FER: variants seen among roughly 807,000 people sequenced by gnomAD.
FER encodes FER tyrosine kinase.
A neutral mutation model predicts 111.0 loss-of-function variants in FER; 63 were observed. The ratio of observed to expected loss-of-function variants is 0.57; its 90% CI spans 0.46 to 0.70. FER has a LOEUF of 0.70. Ranked by LOEUF, FER falls within the 30% of genes least tolerant of loss-of-function variation. The pLI is 0.00. For synonymous variants in FER, 327 were observed against 313.9 expected (o/e 1.04, Z -0.44); for missense variants, 914 against 954.0 (o/e 0.96, Z 0.55).
At chr5:108,967,061 C>T (rs1759949032) in intron 13 of FER, among the ~76,000 whole-genome samples, 1 of 152,170 alleles carries the variant, frequency 6.6e-6, no homozygotes, top group Admixed American at 6.5e-5. Flanking sequence ...GATGCCCCCA[C>T]CTAGGCCTCA....
chr5:108,767,811 G>A (rs942580765), intron 1 of FER, among the ~76,000 whole-genome samples: 1 of 152,158 alleles, frequency 6.6e-6, no homozygotes, highest in Non-Finnish European at 1.5e-5. Context: ...GTTTTATGAT[G>A]TAAACGTGGA....
intron 17 of FER, among the ~76,000 whole-genome samples, chr5:109,102,894 T>G (rs1748428855): frequency 1.3e-5 from 2 of 152,174 alleles, no homozygotes; most frequent in Non-Finnish European, 2.9e-5. Context: ...TGTAGAACCC[T>G]GTTCCTATGT....
intron 10 of FER, among the ~76,000 whole-genome samples, chr5:108,925,804 T>C (rs922379156): frequency 7.9e-5 from 12 of 152,092 alleles, no homozygotes; most frequent in African/African-American, 2.9e-4. Flanking sequence ...GTAAATATAA[T>C]GACCATTACT....
intron 3 of FER, among the ~76,000 whole-genome samples, chr5:108,821,805 A>C (rs950845443): frequency 6.6e-6 from 1 of 152,074 alleles, no homozygotes; most frequent in Non-Finnish European, 1.5e-5. Flanking sequence ...ACCACAATCA[A>C]GTTAATTAAC....
chr5:108,815,147 G>A (rs767610186), intron 3 of FER, among the ~76,000 whole-genome samples: 26 of 152,090 alleles, frequency 1.7e-4, no homozygotes, highest in Non-Finnish European at 3.4e-4. Flanking sequence ...AGGTTTCACA[G>A]TATTTGCAAT....
intron 2 of FER, among the ~76,000 whole-genome samples, chr5:108,780,381 GT>G (rs35241586): frequency 0.16 from 23,669 of 143,834 alleles, 2,080 homozygotes; most frequent in African/African-American, 0.23. Context: ...AGGTTAGTGG[GT>G]TTTTTTTTTT....
chr5:109,004,460 A>G (rs1343782450), intron 13 of FER, among the ~76,000 whole-genome samples: 3 of 152,180 alleles, frequency 2.0e-5, no homozygotes, highest in Non-Finnish European at 4.4e-5. Context: ...CAAAAATGGG[A>G]AAAAATCCAA....
chr5:109,110,118 A>G (rs907429701), intron 17 of FER, among the ~76,000 whole-genome samples: 2 of 152,168 alleles, frequency 1.3e-5, no homozygotes, highest in African/African-American at 4.8e-5. Context: ...AGTGTTACCA[A>G]TACTGAGTAT....
intron 13 of FER, among the ~76,000 whole-genome samples, chr5:108,972,560 T>A (rs1309451013): frequency 1.3e-5 from 2 of 152,228 alleles, no homozygotes; most frequent in African/African-American, 4.8e-5. Context: ...TCTTGTACTA[T>A]GTTAGTTTTG....
At chr5:108,845,751 T>A (rs1311193451) in intron 5 of FER, among the ~76,000 whole-genome samples, 1 of 152,182 alleles carries the variant, frequency 6.6e-6, no homozygotes, top group Non-Finnish European at 1.5e-5. Flanking sequence ...TCAAGTATGA[T>A]GTTTGCTGTA....
intron 13 of FER, chr5:109,015,079 A>C (rs923525001): frequency 6.6e-6 from 1 of 152,116 alleles, no homozygotes; most frequent in Non-Finnish European, 1.5e-5. Context: ...CTAGTTATAG[A>C]AAAAAGTTGT....
chr5:108,845,928 C>T (rs1462420725), intron 5 of FER, among the ~76,000 whole-genome samples: 1 of 152,140 alleles, frequency 6.6e-6, no homozygotes, highest in Non-Finnish European at 1.5e-5. Context: ...TCAAATATTA[C>T]ACCAACCTTG....
intron 2 of FER, among the ~76,000 whole-genome samples, chr5:108,787,284 G>A (rs1206878704): frequency 1.3e-5 from 2 of 152,104 alleles, no homozygotes; most frequent in African/African-American, 2.4e-5. Flanking sequence ...TGCCACCATC[G>A]TCCCCTCTGG....
At chr5:108,917,570 G>A (rs1428936956) in intron 10 of FER, among the ~76,000 whole-genome samples, 2 of 152,234 alleles carry the variant, frequency 1.3e-5, no homozygotes, top group South Asian at 4.1e-4. Context: ...ATTTCCCAAA[G>A]TCAGAGACAG....
At chr5:109,122,733 A>G (rs760424397) in intron 17 of FER, among the ~76,000 whole-genome samples, 1 of 152,060 alleles carries the variant, frequency 6.6e-6, no homozygotes, top group Admixed American at 6.5e-5. Flanking sequence ...TTTGCTTTAT[A>G]TATCTGGGTG....
intron 13 of FER, among the ~76,000 whole-genome samples, chr5:109,028,536 C>T (rs1453439562): frequency 6.6e-6 from 1 of 152,130 alleles, no homozygotes; most frequent in Non-Finnish European, 1.5e-5. Context: ...GCTTCAGAGT[C>T]AGACATATAT....
intron 11 of FER, among the ~76,000 whole-genome samples, chr5:108,951,208 G>C (rs144447027): frequency 0.047 from 7,080 of 152,190 alleles, 261 homozygotes; most frequent in South Asian, 0.11. Context: ...AGGTTGCAGT[G>C]AGCGGAGATG....
chr5:108,986,745 C>A (rs2149736040), intron 13 of FER, among the ~76,000 whole-genome samples: 1 of 152,192 alleles, frequency 6.6e-6, no homozygotes, highest in Admixed American at 6.5e-5. Context: ...TGTTGAAGAT[C>A]AGTTGACTGT....
At chr5:109,073,811 A>G (rs7720808) in intron 16 of FER, among the ~76,000 whole-genome samples, 21,857 of 152,116 alleles carry the variant, frequency 0.14, 1,685 homozygotes, top group Non-Finnish European at 0.15. Context: ...GGACCTGCAC[A>G]GTTCAAACTC....
Sources: gnomAD v4.1 joint callset for allele counts (sites outside exome capture counted in the v4.1 genomes callset) on GRCh38, gnomAD v4.1.1 for gene constraint, MANE v1.5 for transcripts, NCBI Gene and HGNC (gene_info 2026-07-23, HGNC 2026-07-21) for gene names.